The following ATP9A variants were observed in gnomAD, a reference collection of about 807,000 sequenced individuals.
ATP9A encodes probable phospholipid-transporting ATPase IIA.
A neutral mutation model predicts 144.1 loss-of-function variants in ATP9A; 52 were observed. That is an observed-to-expected ratio of 0.36 (90% CI 0.29 to 0.45). ATP9A has a LOEUF of 0.45. ATP9A is among the 20% of genes least tolerant of loss of function. ATP9A has a pLI of 1.00. For synonymous variants in ATP9A, 582 were observed against 557.4 expected (o/e 1.04, Z -0.62); for missense variants, 947 against 1,392.7 (o/e 0.68, Z 5.09).
intron 23 of ATP9A, among the ~76,000 whole-genome samples, chr20:51,612,036 T>C (rs1158561003): frequency 1.3e-5 from 2 of 152,214 alleles, no homozygotes; most frequent in East Asian, 3.8e-4. Context: ...TCACCTGATG[T>C]TTACATATTA....
rs1361824254 is a variant in ATP9A, at chr20:51,730,088, G to GGACCA, written c.69-115_69-111dup. On this transcript the variant is annotated intron_variant, in intron 1 of 27. Transcript: ENST00000338821. ...TCTCTACAGCATCTTCTCTGGCTCA[G>GGACCA]GACCACAGCCATATTTGAGGCTTCA... 10 of 1,201,346 alleles carry GGACCA rather than the reference G, an allele frequency of 8.3e-6. No individual in the cohort carries two copies. In the African/African-American group the frequency reaches 1.4e-4, roughly 17 times the overall value. 74.4% of individuals were successfully genotyped at this position (1,201,346 alleles called of 1,614,324 possible).
chr20:51,635,494 T>C (rs1024217538), intron 15 of ATP9A, among the ~76,000 whole-genome samples: 4 of 151,956 alleles, frequency 2.6e-5, no homozygotes, highest in African/African-American at 4.8e-5. Context: ...TCCCAGCACT[T>C]TGGGAGGTCG....
Position 51,604,854 on chromosome 20 carries a change from G to C in ATP9A, c.2970C>G (p.Cys990Trp). ...GTAAGAACACCAGGGAGGCGATGTA[G>C]CAGGCCAGGCTGAGCAGCTCCGCCA... The part of the protein sequence containing the change: ...MTVAELLSLA[C>W]YIASLVFLHE... The change falls in exon 27 of 28, where the codon TGC (cysteine) becomes TGG (tryptophan). Residue 990 changes from cysteine to tryptophan, a missense_variant. Cys to Trp is a radical substitution (Grantham distance 215, BLOSUM62 -2). Transcript: ENST00000338821. 2 of 1,557,310 alleles carry C rather than the reference G, an allele frequency of 1.3e-6. No homozygotes were observed. Among genetic ancestry groups the C allele is most frequent in the Non-Finnish European group, 1.7e-6 (2 of 1,150,154 alleles).
chr20:51,723,241 G>T (rs1916066030), intron 3 of ATP9A, among the ~76,000 whole-genome samples: 1 of 152,104 alleles, frequency 6.6e-6, no homozygotes, highest in Non-Finnish European at 1.5e-5. Context: ...GGACTTTGGG[G>T]ACTTGGGGAA....
chr20:51,764,844 C>T (rs901384662), intron 1 of ATP9A, among the ~76,000 whole-genome samples: 30 of 152,252 alleles, frequency 2.0e-4, no homozygotes, highest in Admixed American at 1.6e-3. Context: ...GCCTCAGCCT[C>T]CCCAGTAGCT....
At chr20:51,628,299 C>T (rs905780921) in intron 16 of ATP9A, among the ~76,000 whole-genome samples, 1 of 152,204 alleles carries the variant, frequency 6.6e-6, no homozygotes, top group African/African-American at 2.4e-5. Context: ...CCTCCTGCTG[C>T]TGGCCAACTG....
intron 26 of ATP9A, among the ~76,000 whole-genome samples, chr20:51,606,163 C>T (rs897002021): frequency 2.0e-5 from 3 of 148,384 alleles, no homozygotes; most frequent in East Asian, 2.1e-4. Flanking sequence ...AGGCTGAGGC[C>T]GGAGAATCGC....
intron 1 of ATP9A, among the ~76,000 whole-genome samples, chr20:51,762,053 T>C (rs185265127): frequency 1.3e-5 from 2 of 152,216 alleles, no homozygotes; most frequent in East Asian, 3.9e-4. Flanking sequence ...TGTCTTTCGC[T>C]TTTAAGGACC....
intron 14 of ATP9A, among the ~76,000 whole-genome samples, chr20:51,644,051 CGT>C (rs1405234305): frequency 6.6e-6 from 1 of 151,956 alleles, no homozygotes; most frequent in East Asian, 1.9e-4. Flanking sequence ...AGGAGAATCG[CGT>C]GAACCCCAGA....
chr20:51,692,386 G>A (rs965012304), intron 7 of ATP9A, among the ~76,000 whole-genome samples: 1 of 152,194 alleles, frequency 6.6e-6, no homozygotes, highest in African/African-American at 2.4e-5. Flanking sequence ...CGTAAGACAG[G>A]CACAGTCAGG....
At chr20:51,755,455 C>A (rs1382269267) in intron 1 of ATP9A, among the ~76,000 whole-genome samples, 2 of 151,734 alleles carry the variant, frequency 1.3e-5, no homozygotes, top group South Asian at 2.1e-4. Context: ...AAAAAAATTT[C>A]TTATAATACC....
chr20:51,686,909 T>A lies in ATP9A; in HGVS notation c.799+2155A>T, dbSNP rs539493341. 3.2e-4 allele frequency among the ~76,000 whole-genome samples: 47 copies of A among 144,652 alleles called. No homozygotes were observed. In the South Asian group the frequency reaches 0.01, roughly 31 times the overall value. 94.9% of individuals were successfully genotyped at this position (144,652 alleles called of 152,430 possible). A position where few individuals can be genotyped will look rare whatever the true frequency, so the allele number is the denominator to read the frequency against. On this transcript the variant is annotated intron_variant, in intron 9 of 27. Transcript: ENST00000338821. The stretch of plus-strand genomic sequence containing the variant: ...AAGATGGTACCACTGCACTCCAGCC[T>A]GGGCCACAGAGGGACTCTTTTTTTT...
chr20:51,666,156 G>C (rs1042966299), intron 13 of ATP9A, among the ~76,000 whole-genome samples: 1 of 152,216 alleles, frequency 6.6e-6, no homozygotes, highest in African/African-American at 2.4e-5. Context: ...GTAAAGAGTC[G>C]CTTCCTGTAC....
chr20:51,657,546 G>A (rs2077392519), intron 13 of ATP9A, among the ~76,000 whole-genome samples: 1 of 152,054 alleles, frequency 6.6e-6, no homozygotes. Context: ...ATTATATAGG[G>A]TGTTCAGCAG....
chr20:51,689,655 C>T (rs1334348424), intron 8 of ATP9A, among the ~76,000 whole-genome samples: 1 of 151,630 alleles, frequency 6.6e-6, no homozygotes, highest in Non-Finnish European at 1.5e-5. Flanking sequence ...CTCCTGACCT[C>T]AGGAGATCCG....
At chr20:51,669,139 G>A (rs1027255657) in intron 13 of ATP9A, among the ~76,000 whole-genome samples, 1 of 152,110 alleles carries the variant, frequency 6.6e-6, no homozygotes, top group African/African-American at 2.4e-5. Context: ...ATTAGCAAGG[G>A]GTGTGTTTGT....
chr20:51,677,685 T>C (rs372687152), intron 9 of ATP9A, among the ~76,000 whole-genome samples: 8 of 152,118 alleles, frequency 5.3e-5, no homozygotes, highest in African/African-American at 1.7e-4. Flanking sequence ...ACTTGCCCAT[T>C]TGGGGATGTC....
rs549467843 is a variant in ATP9A, at chr20:51,637,582, C to T, written c.1668+1761G>A. 2.0e-5 allele frequency among the ~76,000 whole-genome samples: 3 copies of T among 152,228 alleles called. No individual in the cohort carries two copies. The South Asian group carries it at 6.2e-4, about 32-fold the overall frequency. ...GTCTGAATTCAAGGAACCTGTAAGG[C>T]TGAAGGAGAAGTTCACAAGCCAAGC... On this transcript the variant is annotated intron_variant, in intron 15 of 27. Transcript: ENST00000338821.
rs1383722734 is a variant in ATP9A, at chr20:51,611,257, G to C, written c.2572-1092C>G. On this transcript the variant is annotated intron_variant, in intron 23 of 27. Coordinates refer to ENST00000338821, the MANE Select transcript of ATP9A (RefSeq NM_006045.3). The surrounding 1 kb of genome is among the most constrained non-coding windows in gnomAD (Gnocchi z 4.2). ...GCTTTCTCGGCACAGAGCTCAGAGCGCAGGTGATCCTGAGCGCCATGGCCA... is the reference window on the plus strand; with the variant it reads ...GCTTTCTCGGCACAGAGCTCAGAGCCCAGGTGATCCTGAGCGCCATGGCCA... Among the ~76,000 whole-genome samples the C allele has an allele frequency of 1.3e-5, 2 of 152,198 alleles. No homozygotes were observed. The highest frequency in any genetic ancestry group is 1.9e-4 in the East Asian group (1 of 5,196).
Sources: gnomAD v4.1 joint callset for allele counts (sites outside exome capture counted in the v4.1 genomes callset) on GRCh38, gnomAD v4.1.1 for gene constraint, Gnocchi (gnomAD v3.1) non-coding constraint, MANE v1.5 for transcripts, NCBI Gene and HGNC (gene_info 2026-07-23, HGNC 2026-07-21) for gene names.